The following PIP4P2 variants were observed in gnomAD, a reference collection of about 807,000 sequenced individuals.
The protein encoded by PIP4P2 is phosphatidylinositol-4,5-bisphosphate 4-phosphatase 2.
Under a neutral mutation model 33.3 loss-of-function variants are expected in PIP4P2, and 19 were observed. The ratio of observed to expected loss-of-function variants is 0.57; its 90% CI spans 0.40 to 0.84. PIP4P2 has a LOEUF of 0.84. Ranked by LOEUF, PIP4P2 falls within the 40% of genes least tolerant of loss-of-function variation. PIP4P2 has a pLI of 0.00. For missense variants in PIP4P2, 270 were observed against 324.7 expected, an observed-to-expected ratio of 0.83 and a Z score of 1.29; for synonymous variants, 110 against 111.9, an observed-to-expected ratio of 0.98 and a Z score of 0.11.
intron 1 of PIP4P2, among the ~76,000 whole-genome samples, chr8:91,039,620 T>C (rs1586189858): frequency 6.6e-6 from 1 of 152,254 alleles, no homozygotes; most frequent in Non-Finnish European, 1.5e-5. Context: ...TTTTAAACTT[T>C]GCTCATATTT....
chr8:91,029,885 T>C (rs956137641), intron 1 of PIP4P2, among the ~76,000 whole-genome samples: 2 of 151,994 alleles, frequency 1.3e-5, no homozygotes, highest in African/African-American at 4.8e-5. Flanking sequence ...GAGAATGGCG[T>C]GAACCTGGGA....
chr8:91,027,541 A>G (rs1392771067), intron 1 of PIP4P2, among the ~76,000 whole-genome samples: 2 of 152,236 alleles, frequency 1.3e-5, no homozygotes, highest in Non-Finnish European at 2.9e-5. Context: ...GCTTCTACAT[A>G]AAATAATTGC....
At chr8:91,002,558 T>C (rs1811713267) in intron 5 of PIP4P2, among the ~76,000 whole-genome samples, 1 of 152,148 alleles carries the variant, frequency 6.6e-6, no homozygotes. Context: ...CAGCCAGGGA[T>C]GGCTTTATTA....
Position 91,028,297 on chromosome 8 carries a change from G to C in PIP4P2, c.107-6893C>G, listed in dbSNP as rs77722929. ...AGAGAGAGTCACAATCTTTCAACCA[G>C]TTTCCAACAAAAGTAGGTTCAACGT... On this transcript the variant is annotated intron_variant, in intron 1 of 6. Coordinates refer to ENST00000285419, the MANE Select transcript of PIP4P2 (RefSeq NM_018710.3). 9.3e-3 allele frequency among the ~76,000 whole-genome samples: 1,417 copies of C among 152,288 alleles called. 18 individuals are homozygous for C. Among genetic ancestry groups the C allele is most frequent in the Middle Eastern group, 0.02 (6 of 294 alleles).
intron 5 of PIP4P2, among the ~76,000 whole-genome samples, chr8:91,007,138 T>A (rs868295133): frequency 1.3e-5 from 2 of 151,860 alleles, no homozygotes; most frequent in Non-Finnish European, 2.9e-5. Context: ...GAGGGGGGAG[T>A]ATAGGTGTGT....
intron 5 of PIP4P2, among the ~76,000 whole-genome samples, chr8:91,003,172 A>C (rs1348516722): frequency 6.6e-6 from 1 of 152,206 alleles, no homozygotes; most frequent in Non-Finnish European, 1.5e-5. Flanking sequence ...ATGGCTAAGA[A>C]ATTGGGAGCC....
At chr8:91,040,400 CCACCACCACCACCACCAT>C (rs1473588729) in intron 1 of PIP4P2, among the ~76,000 whole-genome samples, 15 of 110,738 alleles carry the variant, frequency 1.4e-4, no homozygotes, top group Admixed American at 6.6e-4. Context: ...ACCATCACCA[CCACCACCACCACCACCAT>C]CACCACCACC....
chr8:90,996,622 A>C (rs575253605), intron 6 of PIP4P2, 32 bp downstream of exon 6: 144 of 1,564,618 alleles, frequency 9.2e-5, no homozygotes, highest in South Asian at 3.4e-4. Context: ...AGTTGAGAGG[A>C]CAGAATTCTA....
At chr8:90,998,759 TAACTC>T (rs1466339079) in intron 5 of PIP4P2, among the ~76,000 whole-genome samples, 5 of 151,996 alleles carry the variant, frequency 3.3e-5, no homozygotes, top group African/African-American at 1.2e-4. Flanking sequence ...ATTTAAAAAT[TAACTC>T]AAGATGGATT....
In PIP4P2 at chr8:90,995,676, C is replaced by G. The variant is rs1430115105; in HGVS notation, c.*1G>C. On this transcript the variant is annotated 3_prime_UTR_variant, in exon 7 of 7. Coordinates refer to ENST00000285419, the MANE Select transcript of PIP4P2 (RefSeq NM_018710.3). ...CCTGCATTACTGAATCATAAACAAG[C>G]TTATGCAAAACTGTGTTCTGGATAA... The G allele has an allele frequency of 6.2e-7, 1 of 1,608,182 alleles. No homozygotes were observed. The highest frequency in any genetic ancestry group is 8.5e-7 in the Non-Finnish European group (1 of 1,177,950).
At chr8:91,002,504 A>T (rs180718142) in intron 5 of PIP4P2, among the ~76,000 whole-genome samples, 208 of 152,292 alleles carry the variant, frequency 1.4e-3, no homozygotes, top group Non-Finnish European at 2.5e-3. Flanking sequence ...ATAAGGGGAA[A>T]AGGCGGCAAA....
intron 4 of PIP4P2, among the ~76,000 whole-genome samples, chr8:91,013,042 A>C (rs1811860285): frequency 6.6e-6 from 1 of 152,080 alleles, no homozygotes; most frequent in African/African-American, 2.4e-5. Flanking sequence ...TCTTTATGCT[A>C]TTCTTGACTA....
chr8:91,024,113 A>T (rs1812049278), intron 1 of PIP4P2, among the ~76,000 whole-genome samples: 1 of 152,104 alleles, frequency 6.6e-6, no homozygotes, highest in Non-Finnish European at 1.5e-5. Flanking sequence ...GGCCCACCAG[A>T]TAAATGGAAT....
intron 5 of PIP4P2, among the ~76,000 whole-genome samples, chr8:91,004,144 C>T (rs1811737662): frequency 6.6e-6 from 1 of 152,132 alleles, no homozygotes; most frequent in Non-Finnish European, 1.5e-5. Context: ...CCAAAAGCCT[C>T]AGAATCAGGG....
intron 5 of PIP4P2, among the ~76,000 whole-genome samples, chr8:91,004,884 G>A (rs1016911726): frequency 6.6e-6 from 1 of 152,164 alleles, no homozygotes; most frequent in South Asian, 2.1e-4. Context: ...AGGAATAGTA[G>A]ATATCTGGAG....
intron 1 of PIP4P2, among the ~76,000 whole-genome samples, chr8:91,024,079 G>A (rs546143833): frequency 2.6e-5 from 4 of 152,080 alleles, no homozygotes; most frequent in Non-Finnish European, 5.9e-5. Flanking sequence ...TGAGAGAGGT[G>A]AAGTAGTCAG....
rs1187629091 is a variant in PIP4P2, at chr8:91,040,676, G to A, written c.74C>T (p.Ala25Val). 6.2e-7 allele frequency: 1 copy of A among 1,613,616 alleles called. No individual in the cohort carries two copies. The highest frequency in any genetic ancestry group is 1.3e-5 in the African/African-American group (1 of 75,036). The change falls in exon 1 of 7, where the codon GCC (alanine) becomes GTC (valine). Residue 25 changes from alanine (A) to valine (V), a missense_variant. Coordinates refer to ENST00000285419, the MANE Select transcript of PIP4P2 (RefSeq NM_018710.3). ...ASHSGNVTPT[A>V]PPYLQESSPR... ...GCTGCTTTCTTGCAAGTACGGTGGG[G>A]CGGTGGGAGTGACATTTCCGGAGTG...
At chr8:90,998,256 C>T (rs936044761) in intron 5 of PIP4P2, among the ~76,000 whole-genome samples, 2 of 152,014 alleles carry the variant, frequency 1.3e-5, no homozygotes, top group South Asian at 4.1e-4. Flanking sequence ...TCAAAAGTTT[C>T]TAAGTGAATA....
At chr8:91,000,399 GT>G (rs11326099) in intron 5 of PIP4P2, among the ~76,000 whole-genome samples, 84,709 of 143,620 alleles carry the variant, frequency 0.59, 26,506 homozygotes, top group Non-Finnish European at 0.72. Flanking sequence ...TCATTTAGCA[GT>G]TTTTTTTTTT....
Sources: gnomAD v4.1 joint callset for allele counts (sites outside exome capture counted in the v4.1 genomes callset) on GRCh38, gnomAD v4.1.1 for gene constraint, MANE v1.5 for transcripts, NCBI Gene and HGNC (gene_info 2026-07-23, HGNC 2026-07-21) for gene names.